The following PPP1R12A variants were observed in gnomAD, a reference collection of about 807,000 sequenced individuals.
PPP1R12A encodes the protein protein phosphatase 1 regulatory subunit 12A.
PPP1R12A carries 19 observed loss-of-function variants against 139.6 expected under a neutral mutation model. The ratio of observed to expected loss-of-function variants is 0.14; its 90% CI spans 0.09 to 0.20. The LOEUF is 0.20. Among genes scored for constraint, PPP1R12A ranks in the 10% least tolerant of loss-of-function variants. PPP1R12A has a pLI of 1.00. For missense variants in PPP1R12A, 925 were observed against 1,211.5 expected, an observed-to-expected ratio of 0.76 and a Z score of 3.51; for synonymous variants, 427 against 420.6, an observed-to-expected ratio of 1.02 and a Z score of -0.19.
intron 2 of PPP1R12A, among the ~76,000 whole-genome samples, chr12:79,865,736 A>T (rs1409636602): frequency 1.3e-5 from 2 of 152,160 alleles, no homozygotes; most frequent in Non-Finnish European, 2.9e-5. Context: ...TAAGAGAATA[A>T]AACACCTAGG....
At chr12:79,919,233 G>A (rs1479104210) in intron 1 of PPP1R12A, among the ~76,000 whole-genome samples, 3 of 151,534 alleles carry the variant, frequency 2.0e-5, no homozygotes, top group South Asian at 4.2e-4. Context: ...TTTACTCATC[G>A]CTGAGCAGCT....
At chr12:79,863,093 T>A (rs1053805112) in intron 2 of PPP1R12A, among the ~76,000 whole-genome samples, 3 of 151,996 alleles carry the variant, frequency 2.0e-5, no homozygotes, top group Non-Finnish European at 2.9e-5. Flanking sequence ...CCACAAAGGG[T>A]AACCATCAGA....
chr12:79,801,768 C>T (rs1873211422), intron 14 of PPP1R12A, among the ~76,000 whole-genome samples: 1 of 152,078 alleles, frequency 6.6e-6, no homozygotes, highest in Non-Finnish European at 1.5e-5. Flanking sequence ...ATCTTAGTTG[C>T]CTCAATTTCA....
intron 1 of PPP1R12A, among the ~76,000 whole-genome samples, chr12:79,889,436 G>C (rs1884395224): frequency 6.6e-6 from 1 of 152,190 alleles, no homozygotes; most frequent in Non-Finnish European, 1.5e-5. Flanking sequence ...TCCCCACTGG[G>C]TTCCTCATGC....
At chr12:79,900,432 G>GT in intron 1 of PPP1R12A, among the ~76,000 whole-genome samples, 1 of 152,212 alleles carries the variant, frequency 6.6e-6, no homozygotes, top group Middle Eastern at 3.4e-3. Flanking sequence ...GGTCCACCAC[G>GT]TAATAGGCAC....
chr12:79,880,293 A>G (rs2137373791), intron 1 of PPP1R12A, among the ~76,000 whole-genome samples: 2 of 152,302 alleles, frequency 1.3e-5, no homozygotes, highest in East Asian at 1.9e-4. Context: ...ATATTTGAGC[A>G]TAATTTTGAA....
At chr12:79,899,648 C>T (rs973342337) in intron 1 of PPP1R12A, among the ~76,000 whole-genome samples, 5 of 152,086 alleles carry the variant, frequency 3.3e-5, no homozygotes, top group African/African-American at 1.2e-4. Context: ...AACACCTGGG[C>T]TATTTCTAGT....
chr12:79,856,450 G>A (rs1880666619), intron 2 of PPP1R12A, among the ~76,000 whole-genome samples: 1 of 152,170 alleles, frequency 6.6e-6, no homozygotes, highest in African/African-American at 2.4e-5. Flanking sequence ...AGACATAAAT[G>A]CATATTTATT....
At chr12:79,912,066 A>G (rs1002337286) in intron 1 of PPP1R12A, among the ~76,000 whole-genome samples, 3 of 151,940 alleles carry the variant, frequency 2.0e-5, no homozygotes, top group Non-Finnish European at 4.4e-5. Flanking sequence ...TCCTCTGCTG[A>G]GCATGCTTTC....
chr12:79,878,317 C>A (rs1349487757), intron 1 of PPP1R12A: 1 of 152,044 alleles, frequency 6.6e-6, no homozygotes, highest in Non-Finnish European at 1.5e-5. Context: ...CCAAATGCAA[C>A]TGGTATTCCT....
At chr12:79,811,136 G>A (rs796167912) in intron 9 of PPP1R12A, among the ~76,000 whole-genome samples, 1 of 151,922 alleles carries the variant, frequency 6.6e-6, no homozygotes, top group African/African-American at 2.4e-5. Context: ...ACAAGCATAG[G>A]GTATTAATAA....
chr12:79,818,983 G>C (rs1024057514), intron 8 of PPP1R12A: 1 of 152,188 alleles, frequency 6.6e-6, no homozygotes, highest in African/African-American at 2.4e-5. Context: ...CTGATATTAA[G>C]AGAGTGAGAG....
intron 1 of PPP1R12A, among the ~76,000 whole-genome samples, chr12:79,915,757 A>T (rs960104979): frequency 5.9e-5 from 9 of 152,162 alleles, no homozygotes; most frequent in African/African-American, 2.2e-4. Context: ...AAGATTAAGA[A>T]CACAAGGACC....
intron 1 of PPP1R12A, among the ~76,000 whole-genome samples, chr12:79,877,891 A>AT (rs1883266742): frequency 6.6e-6 from 1 of 152,126 alleles, no homozygotes; most frequent in Admixed American, 6.6e-5. Flanking sequence ...TGTATCCTGA[A>AT]TTTTATCCTC....
chr12:79,798,435 G>T, intron 15 of PPP1R12A, 59 bp downstream of exon 15: 2 of 1,107,662 alleles, frequency 1.8e-6, no homozygotes, highest in Non-Finnish European at 2.6e-6. Flanking sequence ...GTCAGTGTGT[G>T]TATATATATT....
intron 5 of PPP1R12A, among the ~76,000 whole-genome samples, chr12:79,827,476 C>G (rs1876931668): frequency 6.6e-6 from 1 of 152,116 alleles, no homozygotes; most frequent in African/African-American, 2.4e-5. Context: ...AAGGAACATT[C>G]TATGGAAAGG....
At chr12:79,857,807 T>C (rs1186470581) in intron 2 of PPP1R12A, among the ~76,000 whole-genome samples, 2 of 152,012 alleles carry the variant, frequency 1.3e-5, no homozygotes, top group Non-Finnish European at 2.9e-5. Flanking sequence ...TAGTGCCCAA[T>C]GCTACTATCA....
intron 2 of PPP1R12A, among the ~76,000 whole-genome samples, chr12:79,850,110 C>T (rs1269519906): frequency 6.6e-6 from 1 of 152,128 alleles, no homozygotes; most frequent in African/African-American, 2.4e-5. Context: ...CCGGGCCCAA[C>T]CATTAAATTC....
Position 79,809,781 on chromosome 12 carries a change from G to A in PPP1R12A, c.1455+14C>T. 1 of 1,587,824 alleles carries A rather than the reference G, an allele frequency of 6.3e-7. No homozygotes were observed. Among genetic ancestry groups the A allele is most frequent in the Non-Finnish European group, 8.6e-7 (1 of 1,159,542 alleles). Reference sequence around the variant, plus strand: ...TAACAGTTTTCATAGAAACCAGACTGTGAAATAGATTACCTTTTCTTTATT... The same window carrying A: ...TAACAGTTTTCATAGAAACCAGACTATGAAATAGATTACCTTTTCTTTATT... On this transcript the variant is annotated intron_variant, in intron 10 of 24. Transcript: ENST00000450142.
Sources: gnomAD v4.1 joint callset for allele counts (sites outside exome capture counted in the v4.1 genomes callset) on GRCh38, gnomAD v4.1.1 for gene constraint, MANE v1.5 for transcripts, NCBI Gene and HGNC (gene_info 2026-07-23, HGNC 2026-07-21) for gene names.